The following STXBP5 variants were observed in gnomAD, a reference collection of about 807,000 sequenced individuals.
STXBP5 encodes syntaxin binding protein 5.
In STXBP5, 50 loss-of-function variants were observed where a neutral mutation model predicts 152.4. The ratio of observed to expected loss-of-function variants is 0.33; its 90% CI spans 0.26 to 0.42. The LOEUF (loss-of-function observed/expected upper bound fraction) is 0.42, where lower values mean the gene tolerates loss of function less well. Ranked by LOEUF, STXBP5 falls within the 10% of genes least tolerant of loss-of-function variation. The pLI is 1.00. For synonymous variants in STXBP5, 492 were observed against 494.7 expected (o/e 0.99, Z 0.07); for missense variants, 1,167 against 1,388.6 (o/e 0.84, Z 2.54).
At chr6:147,308,258 T>C (rs1046685382) in intron 9 of STXBP5, among the ~76,000 whole-genome samples, 2 of 152,230 alleles carry the variant, frequency 1.3e-5, no homozygotes, top group Admixed American at 6.5e-5. Context: ...TCAAATATAC[T>C]TTCCTGAGCA....
intron 22 of STXBP5, among the ~76,000 whole-genome samples, chr6:147,356,758 G>A (rs995697): frequency 0.66 from 100,609 of 151,976 alleles, 34,010 homozygotes; most frequent in African/African-American, 0.81. Flanking sequence ...CTTGTAAGGT[G>A]TAATTAAGAT....
intron 4 of STXBP5, among the ~76,000 whole-genome samples, chr6:147,255,659 A>C (rs1312223560): frequency 6.6e-6 from 1 of 152,102 alleles, no homozygotes. Flanking sequence ...CTGGGACTAC[A>C]GGCATGAATC....
chr6:147,204,801 A>C lies in STXBP5; in HGVS notation c.150+119A>C. ...GAGAACGCCAATAATAATAATAATA[A>C]CTCTAATAAAAGGCTCGCTCCTCCC... On this transcript the variant is annotated intron_variant, in intron 1 of 27. Transcript: ENST00000321680. This position sits in a 1 kb window ranked among gnomAD's most constrained non-coding sequence, Gnocchi z 4.3. The C allele has an allele frequency of 2.6e-6, 3 of 1,133,392 alleles. No homozygotes were observed. Among genetic ancestry groups the C allele is most frequent in the South Asian group, 1.9e-5 (1 of 51,676 alleles). 70.2% of individuals were successfully genotyped at this position (1,133,392 alleles called of 1,614,324 possible). A position where few individuals can be genotyped will look rare whatever the true frequency, so the allele number is the denominator to read the frequency against.
At position 147,327,143 on chromosome 6, in the gene STXBP5, C is replaced by T. The variant is rs762510137; in HGVS notation, c.1947C>T (p.Cys649=). ...SSYGLVVFGN[C]NGIAMVDYLQ... ...TTCCCAGGGTGGTTTTTGGCAATTG[C>T]AATGGCATTGCTATGGTTGACTACC... The change falls in exon 18 of 28, where the codon TGC becomes TGT. Residue 649 remains cysteine (C), a synonymous_variant. Coordinates refer to ENST00000321680, the MANE Select transcript of STXBP5 (RefSeq NM_001127715.4). The T allele has an allele frequency of 2.5e-6, 4 of 1,607,116 alleles. No individual in the cohort carries two copies. In the East Asian group the frequency reaches 6.7e-5, roughly 27 times the overall value.
chr6:147,235,465 T>C, intron 3 of STXBP5, 134 bp downstream of exon 3: 1 of 677,844 alleles, frequency 1.5e-6, no homozygotes. Context: ...TCAGAAATAG[T>C]AGTAATTCGT....
rs771278350 is a variant in STXBP5 at position 147,260,654 on chromosome 6, C to T, written c.471C>T (p.Leu157=). The stretch of plus-strand genomic sequence containing the variant: ...ATCTGCCTTTCCAGAGTAAGTGGCT[C>T]TATGTGGGCACTGAACGAGGTAATA... ...FCHLPFQSKW[L]YVGTERGNIH... is the part of the protein sequence containing the mutation. Residue 157 remains leucine, a synonymous_variant, in exon 5 of 28, where the codon CTC becomes CTT. Transcript: ENST00000321680. 6.2e-7 allele frequency: 1 copy of T among 1,613,634 alleles called. No individual in the cohort carries two copies. The highest frequency in any genetic ancestry group is 8.5e-7 in the Non-Finnish European group (1 of 1,179,744).
rs369776987 is a variant in STXBP5, at chr6:147,346,925, G to A, written c.2255-6398G>A. On this transcript the variant is annotated intron_variant, in intron 21 of 27. Transcript: ENST00000321680. ...TGGAGATACATGAGGTGAGCCCCAC[G>A]TTTCTCCCACCTTTCTGCTCAGCTT... 3.3e-5 allele frequency among the ~76,000 whole-genome samples: 5 copies of A among 152,104 alleles called. No individual in the cohort carries two copies. The East Asian group carries it at 5.8e-4, about 18-fold the overall frequency.
At chr6:147,320,579 G>GTGTGTGTGTT (rs1554297944) in intron 16 of STXBP5, among the ~76,000 whole-genome samples, 6,407 of 149,020 alleles carry the variant, frequency 0.043, 180 homozygotes, top group Admixed American at 0.065. Context: ...GTGTGTGTGT[G>GTGTGTGTGTT]TGTGTGTGTG....
chr6:147,204,772 G>A lies in STXBP5; in HGVS notation c.150+90G>A. The A allele has an allele frequency of 7.8e-7, 1 of 1,275,936 alleles. No individual in the cohort carries two copies. Among genetic ancestry groups the A allele is most frequent in the Non-Finnish European group, 1.0e-6 (1 of 953,894 alleles). The allele number at this position is 1,275,936 out of a possible 1,614,324, so 79.0% of individuals were successfully genotyped here. A position where few individuals can be genotyped will look rare whatever the true frequency, so the allele number is the denominator to read the frequency against. On this transcript the variant is annotated intron_variant, in intron 1 of 27. Transcript: ENST00000321680. This position sits in a 1 kb window ranked among gnomAD's most constrained non-coding sequence, Gnocchi z 4.3. ...CTCGGGCTTTACATGGGAATGCAAG[G>A]GAAGAGAACGCCAATAATAATAATA...
intron 4 of STXBP5, among the ~76,000 whole-genome samples, chr6:147,244,908 T>G (rs1343062755): frequency 6.6e-6 from 1 of 152,080 alleles, no homozygotes; most frequent in African/African-American, 2.4e-5. Flanking sequence ...CACTTTATCT[T>G]TGGTTTTTAG....
chr6:147,357,559 ATTATG>A (rs934294368), intron 22 of STXBP5, among the ~76,000 whole-genome samples: 2 of 152,166 alleles, frequency 1.3e-5, no homozygotes, highest in African/African-American at 2.4e-5. Context: ...ATAAAATTTA[ATTATG>A]TTGTGTTAGT....
At chr6:147,251,100 T>C (rs773609616) in intron 4 of STXBP5, among the ~76,000 whole-genome samples, 1 of 151,884 alleles carries the variant, frequency 6.6e-6, no homozygotes, top group East Asian at 1.9e-4. Context: ...GCTCATCTCA[T>C]TGGGATTGGT....
At position 147,384,910 on chromosome 6, in the gene STXBP5, C is replaced by A; in HGVS notation, c.*155C>A. On this transcript the variant is annotated 3_prime_UTR_variant, in exon 28 of 28. Coordinates refer to ENST00000321680, the MANE Select transcript of STXBP5 (RefSeq NM_001127715.4). ...GCACTGTTTTACCTCAGTCATGTGG[C>A]TTTAACTGAGGAGTGTTCACACGCA... 1.3e-6 allele frequency: 1 copy of A among 749,450 alleles called. No individual in the cohort carries two copies. The highest frequency in any genetic ancestry group is 2.3e-6 in the Non-Finnish European group (1 of 444,184). 46.4% of individuals were successfully genotyped at this position (749,450 alleles called of 1,614,324 possible).
chr6:147,321,461 A>G (rs1782932183), intron 16 of STXBP5, among the ~76,000 whole-genome samples: 1 of 152,034 alleles, frequency 6.6e-6, no homozygotes, highest in African/African-American at 2.4e-5. Context: ...GTGTGGCGAC[A>G]TCACCTGTAG....
At chr6:147,222,101 T>A (rs1350284258) in intron 2 of STXBP5, among the ~76,000 whole-genome samples, 1 of 152,222 alleles carries the variant, frequency 6.6e-6, no homozygotes, top group East Asian at 1.9e-4. Flanking sequence ...CTAGCATTTC[T>A]TTTTGACTGG....
intron 4 of STXBP5, among the ~76,000 whole-genome samples, chr6:147,243,214 TA>T (rs1236100728): frequency 6.6e-6 from 1 of 152,220 alleles, no homozygotes; most frequent in Non-Finnish European, 1.5e-5. Context: ...TAGCATTGAA[TA>T]AGAGGTCCTT....
rs574256232 is a variant in STXBP5 at position 147,264,252 on chromosome 6, G to A, written c.630+1899G>A. 1.1e-3 allele frequency among the ~76,000 whole-genome samples: 170 copies of A among 152,126 alleles called. 1 individual carries two copies. Among genetic ancestry groups the A allele is most frequent in the Non-Finnish European group, 2.1e-3 (140 of 67,942 alleles). On this transcript the variant is annotated intron_variant, in intron 6 of 27. Transcript: ENST00000321680. ...AATGCTAACCTTACCGGTGGATACT[G>A]CCACATTAAGTGAAGGTCTTGGCCA...
intron 9 of STXBP5, among the ~76,000 whole-genome samples, chr6:147,297,034 G>A (rs761737566): frequency 3.3e-5 from 5 of 152,096 alleles, no homozygotes; most frequent in Non-Finnish European, 7.4e-5. Flanking sequence ...TGGAGGAAAG[G>A]CGCAGAAAAC....
rs376000613 is a variant in STXBP5, at chr6:147,371,531, A to T, written c.3082-2200A>T. On this transcript the variant is annotated intron_variant, in intron 25 of 27. Transcript: ENST00000321680. ...AATCCTAGTAATGTTCCTGAGAGGC[A>T]GTTATCATTATCTCCCCCTTTTAAA... Among the ~76,000 whole-genome samples the T allele has an allele frequency of 7.2e-5, 11 of 152,226 alleles. No individual in the cohort carries two copies. In the East Asian group the frequency reaches 2.1e-3, roughly 29 times the overall value.
Sources: gnomAD v4.1 joint callset for allele counts (sites outside exome capture counted in the v4.1 genomes callset) on GRCh38, gnomAD v4.1.1 for gene constraint, Gnocchi (gnomAD v3.1) non-coding constraint, MANE v1.5 for transcripts, NCBI Gene and HGNC (gene_info 2026-07-23, HGNC 2026-07-21) for gene names.